Variants in BCAS3 observed in about 807,000 individuals in gnomAD.
The protein encoded by BCAS3 is BCAS4/BCAS3 fusion.
Under a neutral mutation model 116.1 loss-of-function variants are expected in BCAS3, and 53 were observed. That is an observed-to-expected ratio of 0.46 (90% CI 0.37 to 0.57). BCAS3 has a LOEUF of 0.57. Ranked by LOEUF, BCAS3 falls within the 20% of genes least tolerant of loss-of-function variation. BCAS3 has a pLI of 0.00. For synonymous variants in BCAS3, 391 were observed against 408.2 expected (o/e 0.96, Z 0.51); for missense variants, 917 against 1,165.4 (o/e 0.79, Z 3.10).
At chr17:61,330,444 A>G (rs1448330473) in intron 22 of BCAS3, among the ~76,000 whole-genome samples, 1 of 152,134 alleles carries the variant, frequency 6.6e-6, no homozygotes, top group African/African-American at 2.4e-5. Context: ...CACTTTCCCA[A>G]GTGTTCACTT....
chr17:60,801,999 A>C (rs2047828584), intron 6 of BCAS3, among the ~76,000 whole-genome samples: 1 of 151,890 alleles, frequency 6.6e-6, no homozygotes, highest in Admixed American at 6.6e-5. Flanking sequence ...AAATTTTCTT[A>C]AATTTGCCTC....
At chr17:61,274,130 C>T (rs2144642541) in intron 22 of BCAS3, among the ~76,000 whole-genome samples, 1 of 151,086 alleles carries the variant, frequency 6.6e-6, no homozygotes, top group East Asian at 1.9e-4. Context: ...CCACAACAGT[C>T]CCCGGTGTGT....
chr17:60,971,785 G>C (rs2061977965), intron 14 of BCAS3, among the ~76,000 whole-genome samples: 1 of 152,218 alleles, frequency 6.6e-6, no homozygotes, highest in African/African-American at 2.4e-5. Context: ...AGCGGTCCCT[G>C]TTGGTTGGGC....
At chr17:61,112,703 C>T (rs1200709001) in intron 22 of BCAS3, among the ~76,000 whole-genome samples, 1 of 146,654 alleles carries the variant, frequency 6.8e-6, no homozygotes, top group Non-Finnish European at 1.5e-5. Context: ...ACAAGGATAC[C>T]CAGGAATTGA....
At chr17:60,903,796 T>C (rs1270665425) in intron 11 of BCAS3, among the ~76,000 whole-genome samples, 2 of 152,218 alleles carry the variant, frequency 1.3e-5, no homozygotes, top group East Asian at 3.8e-4. Flanking sequence ...ATTATGATGG[T>C]TATTTCAATG....
At chr17:60,901,439 CA>C (rs1245391986) in intron 10 of BCAS3, among the ~76,000 whole-genome samples, 20 of 152,124 alleles carry the variant, frequency 1.3e-4, no homozygotes, top group Non-Finnish European at 8.8e-5. Context: ...CTAAAATGAT[CA>C]CTTTTCAAAT....
At position 61,231,877 on chromosome 17, in the gene BCAS3, A is replaced by AG. The variant is rs1356261843; in HGVS notation, c.2426-136450_2426-136449insG. Among the ~76,000 whole-genome samples, 3 of 150,540 alleles carry AG rather than the reference A, an allele frequency of 2.0e-5. No homozygotes were observed. In the East Asian group the frequency reaches 5.8e-4, roughly 29 times the overall value. On this transcript the variant is annotated intron_variant, in intron 22 of 23. Coordinates refer to ENST00000407086, the MANE Select transcript of BCAS3 (RefSeq NM_017679.5). ...TGGAAGAGACCCTGTCTCAAAAAAA[A>AG]AAAAAAAAAAGAAAGAGAAAGAAGG... is the stretch of plus-strand genomic sequence containing the variant.
Position 60,885,805 on chromosome 17 carries a change from G to A in BCAS3, c.662-3890G>A, listed in dbSNP as rs1202344435. On this transcript the variant is annotated intron_variant, in intron 9 of 23. Transcript: ENST00000407086. ...TCTTCTGGCTTGTAGGGTTTCTGCC[G>A]AGAGATCTGCTGTTAGTCTGATGGG... is the stretch of plus-strand genomic sequence containing the variant. Among the ~76,000 whole-genome samples the A allele has an allele frequency of 7.4e-3, 1,044 of 141,154 alleles. 13 individuals carry two copies. The highest frequency in any genetic ancestry group is 0.026 in the East Asian group (118 of 4,596). The allele number at this position is 141,154 out of a possible 152,430, so 92.6% of individuals were successfully genotyped here.
At chr17:60,842,003 T>C (rs1362511436) in intron 7 of BCAS3, among the ~76,000 whole-genome samples, 3 of 152,200 alleles carry the variant, frequency 2.0e-5, no homozygotes, top group African/African-American at 4.8e-5. Context: ...TGTGGAGTTA[T>C]AAGGGATATA....
intron 6 of BCAS3, among the ~76,000 whole-genome samples, chr17:60,803,046 AGTGCCC>A (rs200495884): frequency 0.01 from 1,584 of 152,342 alleles, 28 homozygotes; most frequent in African/African-American, 0.036. Context: ...AAGACTTACA[AGTGCCC>A]ACCTAAAGGA....
chr17:60,758,746 G>A (rs1401106933), intron 6 of BCAS3, among the ~76,000 whole-genome samples: 1 of 152,032 alleles, frequency 6.6e-6, no homozygotes, highest in East Asian at 1.9e-4. Flanking sequence ...CTTTTTTGAT[G>A]TGTTTATTGC....
intron 6 of BCAS3, among the ~76,000 whole-genome samples, chr17:60,802,690 G>A (rs1487371664): frequency 1.3e-5 from 2 of 152,066 alleles, no homozygotes; most frequent in Admixed American, 6.6e-5. Flanking sequence ...TGCCCAGGCC[G>A]GAGTGCAATG....
intron 22 of BCAS3, among the ~76,000 whole-genome samples, chr17:61,101,268 G>C (rs1433092101): frequency 6.6e-6 from 1 of 152,046 alleles, no homozygotes; most frequent in African/African-American, 2.4e-5. Context: ...GCAGTAAACA[G>C]TTATTTTCAG....
intron 17 of BCAS3, among the ~76,000 whole-genome samples, chr17:61,035,059 A>G (rs564108038): frequency 6.6e-6 from 1 of 152,158 alleles, no homozygotes. Context: ...TGTCAATTCT[A>G]TACCCATTTT....
At chr17:60,897,669 T>G (rs1041538843) in intron 10 of BCAS3, among the ~76,000 whole-genome samples, 5 of 152,116 alleles carry the variant, frequency 3.3e-5, no homozygotes, top group Admixed American at 2.0e-4. Flanking sequence ...AGTTCTGAGA[T>G]TCTCCCTTTT....
intron 11 of BCAS3, among the ~76,000 whole-genome samples, chr17:60,909,802 T>C (rs1430781847): frequency 1.5e-4 from 23 of 152,168 alleles, no homozygotes; most frequent in Admixed American, 1.5e-3. Context: ...GTTTTACTTA[T>C]ATGTTTTGAA....
At chr17:61,306,084 A>G (rs745509102) in intron 22 of BCAS3, among the ~76,000 whole-genome samples, 4 of 152,206 alleles carry the variant, frequency 2.6e-5, no homozygotes, top group African/African-American at 7.2e-5. Flanking sequence ...GGAAGCCTCA[A>G]ACACCCTAGT....
In BCAS3 at chr17:61,361,822, C is replaced by G. The variant is rs554873023; in HGVS notation, c.2426-6505C>G. ...GGTCCAAGTTCAAAGGCCTGAGAACCAGGAGTACCAGTGTCCAAGGGCAGG... is the reference window on the plus strand; with the variant it reads ...GGTCCAAGTTCAAAGGCCTGAGAACGAGGAGTACCAGTGTCCAAGGGCAGG... On this transcript the variant is annotated intron_variant, in intron 22 of 23. Transcript: ENST00000407086. This position sits in a 1 kb window ranked among gnomAD's most constrained non-coding sequence, Gnocchi z 6.5. 3.3e-5 allele frequency: 5 copies of G among 152,252 alleles called. No homozygotes were observed. The highest frequency in any genetic ancestry group is 1.2e-4 in the African/African-American group (5 of 41,540). The allele number at this position is 152,252 out of a possible 1,614,324, so 9.4% of individuals were successfully genotyped here. A position where few individuals can be genotyped will look rare whatever the true frequency, so the allele number is the denominator to read the frequency against.
Position 61,347,156 on chromosome 17 carries a change from C to T in BCAS3, c.2426-21171C>T, listed in dbSNP as rs182741232. On this transcript the variant is annotated intron_variant, in intron 22 of 23. Transcript: ENST00000407086. This position sits in a 1 kb window ranked among gnomAD's most constrained non-coding sequence, Gnocchi z 4.3. ...GTGGTGCAATCTCAGCTCACCGCAACCTCCACCTCCAGGGTTCAAGCGATT... is the reference window on the plus strand; with the variant it reads ...GTGGTGCAATCTCAGCTCACCGCAATCTCCACCTCCAGGGTTCAAGCGATT... Among the ~76,000 whole-genome samples, 2 of 152,292 alleles carry T rather than the reference C, an allele frequency of 1.3e-5. No individual in the cohort carries two copies. The highest frequency in any genetic ancestry group is 3.9e-4 in the East Asian group (2 of 5,192).
Sources: allele counts gnomAD v4.1 joint callset (sites outside exome capture counted in the v4.1 genomes callset), GRCh38; gene constraint gnomAD v4.1.1; non-coding constraint Gnocchi (gnomAD v3.1); transcripts MANE v1.5; gene names NCBI Gene and HGNC (gene_info 2026-07-23, HGNC 2026-07-21).